Variants in LIFR observed in about 807,000 individuals in gnomAD.
The protein encoded by LIFR is LIF receptor subunit alpha, also known as leukemia inhibitory factor receptor.
Under a neutral mutation model 122.2 loss-of-function variants are expected in LIFR, and 84 were observed. The ratio of observed to expected loss-of-function variants is 0.69; its 90% confidence interval spans 0.58 to 0.82. The LOEUF (loss-of-function observed/expected upper bound fraction) is 0.82, where lower values mean the gene tolerates loss of function less well. Among genes scored for constraint, LIFR ranks in the 40% least tolerant of loss-of-function variants. The probability of loss-of-function intolerance (pLI) is 0.00; values close to 1 mark genes in which losing one functional copy is unlikely to be tolerated. For synonymous variants in LIFR, 422 were observed against 434.7 expected (o/e 0.97, Z 0.36); for missense variants, 1,294 against 1,311.6 (o/e 0.99, Z 0.21).
upstream of LIFR, among the ~76,000 whole-genome samples, chr5:38,596,079 A>G (rs1445113411): frequency 6.6e-6 from 1 of 152,130 alleles, no homozygotes; most frequent in Admixed American, 6.5e-5. Context: ...GATGACTGGG[A>G]AGGGAAGATG....
At chr5:38,486,167 G>C (rs1463896593) in intron 16 of LIFR, among the ~76,000 whole-genome samples, 187 bp from the exon 17 acceptor site, 1 of 152,074 alleles carries the variant, frequency 6.6e-6, no homozygotes, top group African/African-American at 2.4e-5. Flanking sequence ...GTGTCGTATG[G>C]GCCCCTTATT....
chr5:38,549,664 G>A (rs1432777506), intron 1 of LIFR, among the ~76,000 whole-genome samples: 1 of 152,176 alleles, frequency 6.6e-6, no homozygotes, highest in Non-Finnish European at 1.5e-5. Flanking sequence ...GGTAGCGGGT[G>A]CCCATAATCC....
At chr5:38,517,869 A>AAAAAAAAAC in intron 5 of LIFR, among the ~76,000 whole-genome samples, 1 of 145,622 alleles carries the variant, frequency 6.9e-6, no homozygotes, top group Non-Finnish European at 1.5e-5. Flanking sequence ...AAAAAAAAAA[A>AAAAAAAAAC]AAAAAAAAAA....
chr5:38,597,572 A>C (rs1750131812), upstream of LIFR, among the ~76,000 whole-genome samples: 1 of 152,204 alleles, frequency 6.6e-6, no homozygotes, highest in Non-Finnish European at 1.5e-5. Context: ...TTTGGTTGTC[A>C]CAACTGGGTG....
At chr5:38,518,909 T>C (rs891921688) in intron 5 of LIFR, among the ~76,000 whole-genome samples, 2 of 152,200 alleles carry the variant, frequency 1.3e-5, no homozygotes, top group Non-Finnish European at 2.9e-5. Context: ...TGGCCCTGCG[T>C]AGGCCTAGGC....
chr5:38,504,985 G>A (rs967844695), intron 9 of LIFR, among the ~76,000 whole-genome samples: 2 of 152,140 alleles, frequency 1.3e-5, no homozygotes, highest in Non-Finnish European at 2.9e-5. Flanking sequence ...TGCTCAGTGT[G>A]CTGTGAGCCT....
At chr5:38,553,768 T>C (rs1470558924) in intron 1 of LIFR, among the ~76,000 whole-genome samples, 4 of 149,458 alleles carry the variant, frequency 2.7e-5, no homozygotes, top group Non-Finnish European at 4.5e-5. Context: ...AAGCTCAACA[T>C]TGGCTAATGT....
chr5:38,533,175 C>T (rs2112580490), intron 1 of LIFR, among the ~76,000 whole-genome samples: 1 of 152,280 alleles, frequency 6.6e-6, no homozygotes, highest in Non-Finnish European at 1.5e-5. Context: ...ATTCTAAAGG[C>T]CAGACAAAAT....
intron 4 of LIFR, among the ~76,000 whole-genome samples, chr5:38,526,606 G>A (rs774391028): frequency 6.6e-6 from 1 of 152,158 alleles, no homozygotes; most frequent in African/African-American, 2.4e-5. Flanking sequence ...CTTGCACACA[G>A]TAGGTGCTCA....
rs1335855307 is a variant in LIFR at position 38,499,574 on chromosome 5, T to C, written c.1610A>G (p.Lys537Arg). The C allele has an allele frequency of 6.2e-7, 1 of 1,605,516 alleles. No individual in the cohort carries two copies. Among genetic ancestry groups the C allele is most frequent in the Admixed American group, 1.7e-5 (1 of 60,002 alleles). ...CCACTCTCTCCAAGTATCAGGCCCC[T>C]TTGAAGGACCTAAAAAGGAGATTTT... ...QHLTTEASPS[K>R]GPDTWREWSS... Residue 537 changes from lysine (K) to arginine (R), a missense_variant, in exon 12 of 20, where the codon AAG (lysine) becomes AGG (arginine). Lys to Arg is a conservative substitution (Grantham distance 26, BLOSUM62 2). Transcript: ENST00000453190.
intron 5 of LIFR, among the ~76,000 whole-genome samples, chr5:38,517,347 G>T (rs767820018): frequency 3.9e-5 from 6 of 152,116 alleles, no homozygotes; most frequent in Admixed American, 1.3e-4. Flanking sequence ...CTTTACAAAA[G>T]ATACAAACTA....
chr5:38,481,718 A>G lies in LIFR; in HGVS notation c.3171T>C (p.Phe1057=), dbSNP rs773424045. The change falls in exon 20 of 20, where the codon TTT becomes TTC. Residue 1057 remains phenylalanine, a synonymous_variant. Transcript: ENST00000453190. ...GGGAATTAATGGAGCATGGACTTCC[A>G]AATGAGACAATCTCACTGTTGCTGT... ...SIDSNSEIVS[F]GSPCSINSRQ... 1 of 1,614,220 alleles carries G rather than the reference A, an allele frequency of 6.2e-7. No homozygotes were observed. The highest frequency in any genetic ancestry group is 1.1e-5 in the South Asian group (1 of 91,084).
intron 7 of LIFR, among the ~76,000 whole-genome samples, chr5:38,509,005 T>C (rs1412087601): frequency 6.6e-6 from 1 of 152,200 alleles, no homozygotes; most frequent in African/African-American, 2.4e-5. Context: ...TTCCTAAAAG[T>C]TCTCTCTGAA....
chr5:38,483,372 T>C (rs1744100359), intron 18 of LIFR, among the ~76,000 whole-genome samples: 1 of 152,228 alleles, frequency 6.6e-6, no homozygotes, highest in Admixed American at 6.5e-5. Context: ...AACTCCCTTC[T>C]TATTTTGTCT....
chr5:38,481,604 T>C lies in LIFR; in HGVS notation c.3285A>G (p.Pro1095=), dbSNP rs780468954. ...WSFTNFFQNK[P]ND is the part of the protein sequence containing the mutation. ...TGACACGGTGACACTGTTAATCGTTTGGTTTGTTCTGAAAAAAGTTTGTAA... is the reference window on the plus strand; with the variant it reads ...TGACACGGTGACACTGTTAATCGTTCGGTTTGTTCTGAAAAAAGTTTGTAA... The change falls in exon 20 of 20, where the codon CCA becomes CCG. Residue 1095 remains proline (P), a synonymous_variant. Transcript: ENST00000453190. 7 of 1,614,140 alleles carry C rather than the reference T, an allele frequency of 4.3e-6. No individual in the cohort carries two copies. The highest frequency in any genetic ancestry group is 1.6e-4 in the Middle Eastern group (1 of 6,062).
chr5:38,542,011 G>A (rs922713915), intron 1 of LIFR, among the ~76,000 whole-genome samples: 4 of 152,122 alleles, frequency 2.6e-5, no homozygotes, highest in Non-Finnish European at 4.4e-5. Context: ...GTCTAAAATC[G>A]TGTCCTCCAG....
intron 6 of LIFR, among the ~76,000 whole-genome samples, chr5:38,511,025 A>C (rs1395799637): frequency 3.9e-5 from 6 of 152,216 alleles, no homozygotes; most frequent in Admixed American, 2.6e-4. Context: ...CCACAGGTTT[A>C]TGTCTAAGAA....
Position 38,505,992 on chromosome 5 carries a change from T to G in LIFR, c.1204A>C (p.Asn402His). The G allele has an allele frequency of 1.2e-6, 2 of 1,608,270 alleles. No homozygotes were observed. Among genetic ancestry groups the G allele is most frequent in the Middle Eastern group, 1.7e-4 (1 of 5,906 alleles). The change falls in exon 9 of 20, where the codon AAT becomes CAT. Residue 402 changes from asparagine to histidine, a missense_variant. By Grantham distance (68) the Asn-to-His change is moderately conservative. Transcript: ENST00000453190. ...SYQLLFQMLP[N>H]QEIYNFTLNA... ...AAAGTAAAATTATATATTTCTTGATTTGGAAGCATTTGAAATAATAATTGA... is the reference window on the plus strand; with the variant it reads ...AAAGTAAAATTATATATTTCTTGATGTGGAAGCATTTGAAATAATAATTGA...
At chr5:38,529,787 G>A (rs896543230) in intron 2 of LIFR, among the ~76,000 whole-genome samples, 1 of 152,044 alleles carries the variant, frequency 6.6e-6, no homozygotes, top group African/African-American at 2.4e-5. Flanking sequence ...ATTCACTGTA[G>A]CAATAAATTA....
Sources: allele counts gnomAD v4.1 joint callset (sites outside exome capture counted in the v4.1 genomes callset), GRCh38; gene constraint gnomAD v4.1.1; transcripts MANE v1.5; gene names NCBI Gene and HGNC (gene_info 2026-07-23, HGNC 2026-07-21).